Variants in RBMS3 observed in about 807,000 individuals in gnomAD.
The protein encoded by RBMS3 is RNA-binding motif, single-stranded-interacting protein 3.
RBMS3 carries 27 observed loss-of-function variants against 66.8 expected under a neutral mutation model. That is an observed-to-expected ratio of 0.40 (90% confidence interval 0.30 to 0.56). RBMS3 has a LOEUF of 0.56. Ranked by LOEUF, RBMS3 falls within the 20% of genes least tolerant of loss-of-function variation. RBMS3 has a pLI of 0.40. For synonymous variants in RBMS3, 188 were observed against 183.0 expected, an observed-to-expected ratio of 1.03 and a Z score of -0.22; for missense variants, 513 against 549.5, an observed-to-expected ratio of 0.93 and a Z score of 0.66.
intron 1 of RBMS3, among the ~76,000 whole-genome samples, chr3:29,371,993 G>C (rs2038228469): frequency 6.6e-6 from 1 of 152,076 alleles, no homozygotes; most frequent in African/African-American, 2.4e-5. Context: ...TGTTTGATGG[G>C]AGAGATTCAA....
chr3:29,786,373 A>T (rs2056819273), intron 6 of RBMS3, among the ~76,000 whole-genome samples: 1 of 152,128 alleles, frequency 6.6e-6, no homozygotes, highest in Non-Finnish European at 1.5e-5. Context: ...ACCAAAACAG[A>T]GCCCATTAGC....
At chr3:29,901,792 G>A (rs2060259439) in intron 10 of RBMS3, among the ~76,000 whole-genome samples, 1 of 151,744 alleles carries the variant, frequency 6.6e-6, no homozygotes, top group Non-Finnish European at 1.5e-5. Flanking sequence ...GGCTGGGGTG[G>A]ATTCCTGGAA....
intron 6 of RBMS3, among the ~76,000 whole-genome samples, chr3:29,864,546 G>A (rs1184733282): frequency 6.6e-6 from 1 of 152,034 alleles, no homozygotes; most frequent in South Asian, 2.1e-4. Context: ...AGCCTCTATG[G>A]AGTTAAAATG....
chr3:29,705,101 A>G (rs1010722914), intron 4 of RBMS3, among the ~76,000 whole-genome samples: 3 of 152,200 alleles, frequency 2.0e-5, no homozygotes, highest in African/African-American at 7.2e-5. Context: ...AAATAAAACG[A>G]TAGCTTTCTC....
intron 4 of RBMS3, among the ~76,000 whole-genome samples, chr3:29,702,147 A>T (rs904233923): frequency 6.6e-6 from 1 of 151,968 alleles, no homozygotes; most frequent in African/African-American, 2.4e-5. Flanking sequence ...TGCACCAATC[A>T]GTGCTGTGTG....
At chr3:29,662,726 G>C (rs2050604857) in intron 4 of RBMS3, among the ~76,000 whole-genome samples, 1 of 152,164 alleles carries the variant, frequency 6.6e-6, no homozygotes. Flanking sequence ...CCCTTCTACA[G>C]ATTTCTTCTC....
intron 12 of RBMS3, among the ~76,000 whole-genome samples, chr3:29,954,533 G>A (rs1695895551): frequency 6.6e-6 from 1 of 151,878 alleles, no homozygotes; most frequent in African/African-American, 2.4e-5. Context: ...CTTCTCTTTG[G>A]GGTGAGAACC....
At chr3:29,907,462 A>G (rs915077001) in intron 10 of RBMS3, among the ~76,000 whole-genome samples, 1 of 151,910 alleles carries the variant, frequency 6.6e-6, no homozygotes, top group African/African-American at 2.4e-5. Context: ...TGTTGAACTT[A>G]ATCAAAGTTT....
chr3:29,611,355 C>T (rs961041882), intron 4 of RBMS3, among the ~76,000 whole-genome samples: 3 of 151,940 alleles, frequency 2.0e-5, no homozygotes, highest in Non-Finnish European at 2.9e-5. Flanking sequence ...TTTCCAGAAA[C>T]ATACCAAAAA....
chr3:29,455,177 C>T (rs1188715300), intron 2 of RBMS3, among the ~76,000 whole-genome samples: 1 of 152,148 alleles, frequency 6.6e-6, no homozygotes. Context: ...TCCCGTTTCA[C>T]TTTGCCTATA....
At chr3:29,508,307 C>CCAT (rs1171094493) in intron 3 of RBMS3, among the ~76,000 whole-genome samples, 1 of 152,022 alleles carries the variant, frequency 6.6e-6, no homozygotes, top group African/African-American at 2.4e-5. Flanking sequence ...ACCCACGAAC[C>CCAT]CATCATCTAC....
intron 1 of RBMS3, among the ~76,000 whole-genome samples, chr3:29,396,591 G>A (rs749781418): frequency 6.6e-5 from 10 of 152,076 alleles, no homozygotes; most frequent in Non-Finnish European, 1.5e-4. Context: ...TTCACTCTTG[G>A]ACGGTTCAGG....
At chr3:29,674,858 C>T (rs934976503) in intron 4 of RBMS3, among the ~76,000 whole-genome samples, 3 of 152,034 alleles carry the variant, frequency 2.0e-5, no homozygotes, top group East Asian at 3.9e-4. Flanking sequence ...AATGCCATCC[C>T]CATCAAGCAA....
At chr3:29,778,662 CA>C (rs1220729786) in intron 6 of RBMS3, among the ~76,000 whole-genome samples, 5 of 151,732 alleles carry the variant, frequency 3.3e-5, no homozygotes, top group Admixed American at 1.3e-4. Flanking sequence ...TTAATTCTGT[CA>C]CCTTATTAGA....
chr3:29,655,627 T>C (rs1192631359), intron 4 of RBMS3, among the ~76,000 whole-genome samples: 1 of 152,212 alleles, frequency 6.6e-6, no homozygotes, highest in African/African-American at 2.4e-5. Flanking sequence ...CAATTGTGTA[T>C]GGTACATAAT....
Position 29,691,947 on chromosome 3 carries a change from C to CTCTCTCTCTCTTTTTTTTTTTTTTTTT in RBMS3, c.400-47772_400-47771insCTCTCTCTCTTTTTTTTTTTTTTTTTT, listed in dbSNP as rs1218393454. 1.5e-4 allele frequency among the ~76,000 whole-genome samples: 8 copies of CTCTCTCTCTCTTTTTTTTTTTTTTTTT among 53,546 alleles called. No homozygotes were observed. In the East Asian group the frequency reaches 1.6e-3, roughly 11 times the overall value. The allele number at this position is 53,546 out of a possible 152,430, so 35.1% of individuals were successfully genotyped here. Reference sequence around the variant, plus strand: ...GTGTGACCCTTCTCTCTCTCTCTCTCTATTTTTTTTTTTTTTTTTTGAGAT... The same window carrying CTCTCTCTCTCTTTTTTTTTTTTTTTTT: ...GTGTGACCCTTCTCTCTCTCTCTCTCTCTCTCTCTCTTTTTTTTTTTTTTTTTTATTTTTTTTTTTTTTTTTTGAGAT... On this transcript the variant is annotated intron_variant, in intron 4 of 14. Transcript: ENST00000383767.
In RBMS3 at chr3:29,283,386, A is replaced by G. The variant is rs376668886; in HGVS notation, c.75+1630A>G. Among the ~76,000 whole-genome samples, 64 of 152,266 alleles carry G rather than the reference A, an allele frequency of 4.2e-4. No homozygotes were observed. The South Asian group carries it at 5.4e-3, about 13-fold the overall frequency. ...TGTTTGAGACTTCTTTTAACCTATT[A>G]CTAACAGGAAATAGTGAATGTTATG... On this transcript the variant is annotated intron_variant, in intron 1 of 14. Coordinates refer to ENST00000383767, the MANE Select transcript of RBMS3 (RefSeq NM_001003793.3).
intron 4 of RBMS3, among the ~76,000 whole-genome samples, chr3:29,593,318 C>T (rs185810885): frequency 3.9e-5 from 6 of 152,196 alleles, no homozygotes; most frequent in African/African-American, 4.8e-5. Context: ...AGTATAAGAT[C>T]GTATTAGTAG....
At chr3:29,993,263 A>G (rs1034636987) in intron 14 of RBMS3, among the ~76,000 whole-genome samples, 3 of 149,170 alleles carry the variant, frequency 2.0e-5, no homozygotes, top group African/African-American at 7.8e-5. Context: ...CAAAACTAAT[A>G]CTGTGGTAGA....
Sources: allele counts gnomAD v4.1 joint callset (sites outside exome capture counted in the v4.1 genomes callset), GRCh38; gene constraint gnomAD v4.1.1; transcripts MANE v1.5; gene names NCBI Gene and HGNC (gene_info 2026-07-23, HGNC 2026-07-21).